SERPINA6: variants seen among roughly 807,000 people sequenced by gnomAD.
SERPINA6 encodes corticosteroid-binding globulin.
Under a neutral mutation model 26.4 loss-of-function variants are expected in SERPINA6, and 19 were observed. That is an observed-to-expected ratio of 0.72 (90% CI 0.50 to 1.06). The LOEUF is 1.06. SERPINA6 is among the 50% of genes least tolerant of loss of function. The pLI, the probability that SERPINA6 is intolerant of heterozygous loss-of-function variation, is 0.00. For synonymous variants in SERPINA6, 196 were observed against 199.4 expected, an observed-to-expected ratio of 0.98 and a Z score of 0.14; for missense variants, 473 against 504.0, an observed-to-expected ratio of 0.94 and a Z score of 0.59.
chr14:94,321,045 G>T (rs986752777), intron 1 of SERPINA6, among the ~76,000 whole-genome samples: 1 of 152,122 alleles, frequency 6.6e-6, no homozygotes, highest in Non-Finnish European at 1.5e-5. Flanking sequence ...TATGAATTAG[G>T]TGATGTGGGA....
rs1374084018 is a variant in SERPINA6 at position 94,304,293 on chromosome 14, C to T, written c.*125G>A. On this transcript the variant is annotated 3_prime_UTR_variant, in exon 5 of 5. Transcript: ENST00000341584. ...ATTAAAAGATGCCTAAAGTTAGACACAACTCTGGTTGGAGGGAGAAGAACT... is the reference window on the plus strand; with the variant it reads ...ATTAAAAGATGCCTAAAGTTAGACATAACTCTGGTTGGAGGGAGAAGAACT... 7.3e-6 allele frequency: 7 copies of T among 955,166 alleles called. No homozygotes were observed. The highest frequency in any genetic ancestry group is 1.0e-5 in the Non-Finnish European group (6 of 585,388). The allele number at this position is 955,166 out of a possible 1,614,324, so 59.2% of individuals were successfully genotyped here. A position where few individuals can be genotyped will look rare whatever the true frequency, so the allele number is the denominator to read the frequency against.
rs552752437 is a variant in SERPINA6, at chr14:94,313,045, C to A, written c.613+991G>T. 1.6e-4 allele frequency among the ~76,000 whole-genome samples: 24 copies of A among 152,270 alleles called. No homozygotes were observed. In the South Asian group the frequency reaches 5.0e-3, roughly 32 times the overall value. On this transcript the variant is annotated intron_variant, in intron 2 of 4. Coordinates refer to ENST00000341584, the MANE Select transcript of SERPINA6 (RefSeq NM_001756.4). ...CAACATGTTATGGCAAGATGATTGC[C>A]CAAACAAGGCATGGGCAAACTGTTG...
chr14:94,311,234 C>T (rs562592347), intron 2 of SERPINA6, among the ~76,000 whole-genome samples: 17 of 152,126 alleles, frequency 1.1e-4, no homozygotes, highest in Non-Finnish European at 2.4e-4. Context: ...GTCTGTCTCA[C>T]GGCAAATGAG....
intron 3 of SERPINA6, among the ~76,000 whole-genome samples, chr14:94,308,988 A>G (rs996267498): frequency 1.5e-4 from 23 of 152,130 alleles, no homozygotes; most frequent in Non-Finnish European, 3.1e-4. Context: ...TCTTCCATCC[A>G]TTCACTCACC....
chr14:94,309,400 A>G (rs11622970), intron 3 of SERPINA6, among the ~76,000 whole-genome samples: 72,529 of 152,092 alleles, frequency 0.48, 18,460 homozygotes, highest in East Asian at 0.93. Context: ...ATAACAAAAC[A>G]GATAAGTGTG....
chr14:94,316,318 G>C (rs563856664), intron 1 of SERPINA6, among the ~76,000 whole-genome samples: 14 of 152,300 alleles, frequency 9.2e-5, no homozygotes, highest in Admixed American at 4.6e-4. Flanking sequence ...ATTTGCACTT[G>C]AGAAGAATGT....
At chr14:94,322,633 C>T (rs1307621522) in intron 1 of SERPINA6, among the ~76,000 whole-genome samples, 1 of 152,258 alleles carries the variant, frequency 6.6e-6, no homozygotes, top group East Asian at 1.9e-4. Flanking sequence ...AAGAGACTCA[C>T]TTAGTAAATA....
chr14:94,314,770 C>T, intron 1 of SERPINA6, 103 bp from the exon 2 acceptor site: 1 of 1,079,854 alleles, frequency 9.3e-7, no homozygotes. Flanking sequence ...GCCCCAGTTC[C>T]TTCCTCCACA....
At chr14:94,320,013 G>C (rs1392680223) in intron 1 of SERPINA6, among the ~76,000 whole-genome samples, 1 of 152,156 alleles carries the variant, frequency 6.6e-6, no homozygotes, top group Admixed American at 6.5e-5. Flanking sequence ...AGTTCCATAA[G>C]AGCAATTAAA....
chr14:94,306,300 G>T, intron 3 of SERPINA6, 82 bp from the exon 4 acceptor site: 2 of 1,476,996 alleles, frequency 1.4e-6, no homozygotes, highest in Admixed American at 1.7e-5. Context: ...CTCCTGGCCA[G>T]ACTCTTATTT....
At chr14:94,309,092 G>A (rs989969591) in intron 3 of SERPINA6, among the ~76,000 whole-genome samples, 1 of 152,306 alleles carries the variant, frequency 6.6e-6, no homozygotes, top group African/African-American at 2.4e-5. Flanking sequence ...CCCTTGCTTG[G>A]GCCTGAGGTC....
rs147297630 is a variant in SERPINA6, at chr14:94,304,575, T to C, written c.1061A>G (p.Asn354Ser). ...KVVHKAVLQL[N>S]EEGVDTAGST... ...GCCAGCTGTGTCCACACCCTCCTCATTGAGTTGCAGCACAGCTTTATGGAC... is the reference window on the plus strand; with the variant it reads ...GCCAGCTGTGTCCACACCCTCCTCACTGAGTTGCAGCACAGCTTTATGGAC... The change falls in exon 5 of 5, where the codon AAT becomes AGT. Residue 354 changes from asparagine to serine, a missense_variant. Transcript: ENST00000341584. 3.1e-5 allele frequency: 50 copies of C among 1,614,128 alleles called. No homozygotes were observed. Among genetic ancestry groups the C allele is most frequent in the African/African-American group, 2.7e-4 (20 of 75,038 alleles).
intron 4 of SERPINA6, among the ~76,000 whole-genome samples, chr14:94,305,455 A>T (rs1248387814): frequency 6.6e-6 from 1 of 152,212 alleles, no homozygotes; most frequent in Non-Finnish European, 1.5e-5. Context: ...CTGAGAAGGC[A>T]GCTGTGTTGA....
At chr14:94,308,085 G>A (rs1895468155) in intron 3 of SERPINA6, among the ~76,000 whole-genome samples, 1 of 152,230 alleles carries the variant, frequency 6.6e-6, no homozygotes, top group African/African-American at 2.4e-5. Flanking sequence ...CTCTGGGCAT[G>A]GTCCCCTGAC....
At position 94,314,306 on chromosome 14, in the gene SERPINA6, G is replaced by A; in HGVS notation, c.343C>T (p.Leu115Phe). The A allele has an allele frequency of 6.2e-7, 1 of 1,614,232 alleles. No homozygotes were observed. The highest frequency in any genetic ancestry group is 8.5e-7 in the Non-Finnish European group (1 of 1,180,048). ...AAGCTGGTGTCTGACTTTGCAAAGAGTTGGTGCAGGTGCTGGAAACCCTGG... is the reference window on the plus strand; with the variant it reads ...AAGCTGGTGTCTGACTTTGCAAAGAATTGGTGCAGGTGCTGGAAACCCTGG... Reference protein sequence around the residue: ...IHQGFQHLHQLFAKSDTSLEM... With the variant: ...IHQGFQHLHQFFAKSDTSLEM... Residue 115 changes from leucine (L) to phenylalanine (F), a missense_variant, in exon 2 of 5, where the codon CTC becomes TTC. Physicochemically the swap from Leu to Phe is conservative, Grantham distance 22. Coordinates refer to ENST00000341584, the MANE Select transcript of SERPINA6 (RefSeq NM_001756.4).
At chr14:94,305,987 A>G (rs1296592864) in intron 4 of SERPINA6, 84 bp downstream of exon 4, 1 of 1,531,348 alleles carries the variant, frequency 6.5e-7, no homozygotes, top group Non-Finnish European at 9.0e-7. Context: ...TCATTCATGA[A>G]CGAACTCAGT....
intron 3 of SERPINA6, among the ~76,000 whole-genome samples, chr14:94,308,637 A>T (rs529349980): frequency 6.6e-6 from 1 of 151,970 alleles, no homozygotes. Context: ...TGGAACTTGA[A>T]TCTCCCTGAG....
rs768544398 is a variant in SERPINA6 at position 94,314,604 on chromosome 14, G to A, written c.45C>T (p.Ser15=). 42 of 1,614,040 alleles carry A rather than the reference G, an allele frequency of 2.6e-5. No individual in the cohort carries two copies. The Middle Eastern group carries it at 1.2e-3, about 44-fold the overall frequency. ...CCATGGCCTGGACGGTCCAGAGGCC[G>A]CTGGTGGGCAGCCAGAGAAGACAGG... ...LYTCLLWLPT[S]GLWTVQAMDP... is the part of the protein sequence containing the mutation. Residue 15 remains serine (S), a synonymous_variant, in exon 2 of 5, where the codon AGC becomes AGT. Coordinates refer to ENST00000341584, the MANE Select transcript of SERPINA6 (RefSeq NM_001756.4).
intron 4 of SERPINA6, 94 bp from the exon 5 acceptor site, chr14:94,304,697 G>C: frequency 1.8e-6 from 2 of 1,116,746 alleles, no homozygotes; most frequent in Non-Finnish European, 2.6e-6. Context: ...CTTGGTTTTA[G>C]GAAGGTAAAT....
Sources: gnomAD v4.1 joint callset for allele counts (sites outside exome capture counted in the v4.1 genomes callset) on GRCh38, gnomAD v4.1.1 for gene constraint, MANE v1.5 for transcripts, NCBI Gene and HGNC (gene_info 2026-07-23, HGNC 2026-07-21) for gene names.